The following SUPT16H variants were observed in gnomAD, a reference collection of about 807,000 sequenced individuals.
The protein encoded by SUPT16H is FACT complex subunit SPT16.
A neutral mutation model predicts 136.2 loss-of-function variants in SUPT16H; 24 were observed. The ratio of observed to expected loss-of-function variants is 0.18; its 90% CI spans 0.13 to 0.25. The LOEUF is 0.25. Among genes scored for constraint, SUPT16H ranks in the 10% least tolerant of loss-of-function variants. The probability of loss-of-function intolerance (pLI) is 1.00; values close to 1 mark genes in which losing one functional copy is unlikely to be tolerated. For missense variants in SUPT16H, 623 were observed against 1,270.2 expected (o/e 0.49, Z 7.74); for synonymous variants, 415 against 428.2 (o/e 0.97, Z 0.38).
In SUPT16H at chr14:21,359,517, A is replaced by G. The variant is rs191245081; in HGVS notation, c.2268T>C (p.His756=). The change falls in exon 19 of 26, where the codon CAT becomes CAC. Residue 756 remains histidine (H), a synonymous_variant. Transcript: ENST00000216297. ...EITTDLGKHQ[H]MHDRDDLYAE... ...CATAGAGGTCATCTCGGTCATGCATATGCTGATGTTTCCCCAAGTCCGTGG... is the reference window on the plus strand; with the variant it reads ...CATAGAGGTCATCTCGGTCATGCATGTGCTGATGTTTCCCCAAGTCCGTGG... 6 of 1,614,134 alleles carry G rather than the reference A, an allele frequency of 3.7e-6. No homozygotes were observed. The East Asian group carries it at 1.3e-4, about 36-fold the overall frequency.
intron 1 of SUPT16H, among the ~76,000 whole-genome samples, chr14:21,375,334 C>A (rs1257887559): frequency 6.6e-6 from 1 of 152,056 alleles, no homozygotes; most frequent in African/African-American, 2.4e-5. Context: ...GTTTTGATTT[C>A]ATTTCTCTGA....
At chr14:21,363,356 G>A (rs761106543) in intron 11 of SUPT16H, 28 bp from the exon 12 acceptor site, 32 of 1,596,724 alleles carry the variant, frequency 2.0e-5, no homozygotes, top group Non-Finnish European at 2.6e-5. Flanking sequence ...ATCAAAAAAT[G>A]AAATTTTAAT....
chr14:21,361,376 G>T, intron 15 of SUPT16H, 163 bp from the exon 16 acceptor site: 1 of 829,408 alleles, frequency 1.2e-6, no homozygotes, highest in Non-Finnish European at 1.9e-6. Context: ...GAGTGCAGTG[G>T]CCCAATCTTA....
At chr14:21,365,236 G>T in intron 8 of SUPT16H, 93 bp from the exon 9 acceptor site, 2 of 1,202,740 alleles carry the variant, frequency 1.7e-6, no homozygotes, top group South Asian at 1.3e-5. Flanking sequence ...CAATAAGACA[G>T]GCAAACATGT....
chr14:21,373,578 T>G (rs757200856), intron 1 of SUPT16H, 148 bp from the exon 2 acceptor site: 118 of 649,418 alleles, frequency 1.8e-4, no homozygotes, highest in Non-Finnish European at 1.7e-4. Context: ...TTACGGCTAT[T>G]CTATTTTTTG....
At chr14:21,373,565 G>A (rs1362142770) in intron 1 of SUPT16H, 135 bp from the exon 2 acceptor site, 1 of 681,952 alleles carries the variant, frequency 1.5e-6, no homozygotes, top group African/African-American at 1.8e-5. Context: ...CTGTTTGGCA[G>A]TCTTACGGCT....
chr14:21,362,866 G>C lies in SUPT16H; in HGVS notation c.1593C>G (p.Ile531Met). The change falls in exon 14 of 26, where the codon ATC becomes ATG. Residue 531 changes from isoleucine to methionine, a missense_variant. Ile to Met is a conservative substitution (Grantham distance 10). Coordinates refer to ENST00000216297, the MANE Select transcript of SUPT16H (RefSeq NM_007192.4). ...TTATTACAGTCTCATATTTCTTATC[G>C]ATGTAGATCTTCATTTCCCGAATAT... is the stretch of plus-strand genomic sequence containing the variant. ...EPHIREMKIYIDKKYETVIMP... is the reference protein window; with the variant it reads ...EPHIREMKIYMDKKYETVIMP... The C allele has an allele frequency of 6.2e-7, 1 of 1,613,892 alleles. No homozygotes were observed. Among genetic ancestry groups the C allele is most frequent in the Non-Finnish European group, 8.5e-7 (1 of 1,179,972 alleles).
chr14:21,374,335 G>A (rs1296984658), intron 1 of SUPT16H, among the ~76,000 whole-genome samples: 6 of 152,254 alleles, frequency 3.9e-5, no homozygotes, highest in Non-Finnish European at 8.8e-5. Context: ...CTGGCTGATG[G>A]AGAGACGGGA....
In SUPT16H at chr14:21,364,807, A is replaced by G. The variant is rs763392926; in HGVS notation, c.1233+20T>C. ...AGAAGTTAGTTCATGAAGACTCCAA[A>G]GTTTAGACACAATACACACCTCATC... On this transcript the variant is annotated intron_variant, in intron 10 of 25. Transcript: ENST00000216297. The G allele has an allele frequency of 6.2e-7, 1 of 1,607,570 alleles. No individual in the cohort carries two copies. The highest frequency in any genetic ancestry group is 8.5e-7 in the Non-Finnish European group (1 of 1,176,000).
At position 21,360,544 on chromosome 14, in the gene SUPT16H, G is replaced by C. The variant is rs752805216; in HGVS notation, c.2057-11C>G. On this transcript the variant is annotated splice_polypyrimidine_tract_variant and intron_variant, in intron 17 of 25. Coordinates refer to ENST00000216297, the MANE Select transcript of SUPT16H (RefSeq NM_007192.4). ...ATGTGAAGCGGAAGCCTGGGGAAAA[G>C]AATGAAGAAATGTCAAGCAGTATAA... 3 of 1,600,958 alleles carry C rather than the reference G, an allele frequency of 1.9e-6. No homozygotes were observed. The highest frequency in any genetic ancestry group is 2.6e-6 in the Non-Finnish European group (3 of 1,170,566).
chr14:21,366,325 T>G, intron 8 of SUPT16H, 114 bp downstream of exon 8: 1 of 945,596 alleles, frequency 1.1e-6, no homozygotes, highest in East Asian at 2.4e-5. Context: ...ATAGTATAGT[T>G]TGCTAGTCCA....
At chr14:21,373,907 C>A (rs1455606371) in intron 1 of SUPT16H, among the ~76,000 whole-genome samples, 1 of 151,900 alleles carries the variant, frequency 6.6e-6, no homozygotes, top group African/African-American at 2.4e-5. Flanking sequence ...TTTTTATTTT[C>A]AGTAGAGACA....
Position 21,360,889 on chromosome 14 carries a change from A to G in SUPT16H, c.2013T>C (p.Ile671=). 1.2e-6 allele frequency: 2 copies of G among 1,614,194 alleles called. No homozygotes were observed. The highest frequency in any genetic ancestry group is 1.7e-6 in the Non-Finnish European group (2 of 1,180,018). The change falls in exon 17 of 26, where the codon ATT becomes ATC. Residue 671 remains isoleucine (I), a synonymous_variant. Coordinates refer to ENST00000216297, the MANE Select transcript of SUPT16H (RefSeq NM_007192.4). ...KLKDLYIRPN[I]AQKRMQGSLE... is the part of the protein sequence containing the mutation. ...GTGAGCCTTGCATCCTCTTTTGGGC[A>G]ATATTTGGGCGAATGTATAGATCTT...
In SUPT16H at chr14:21,383,952, G is replaced by A; in HGVS notation, c.-25C>T. ...TAGCCCCGGACGCCGCTTCTCCTCG[G>A]GTTCCGAGAATCACGCGAGGTCCCG... is the stretch of plus-strand genomic sequence containing the variant. On this transcript the variant is annotated 5_prime_UTR_variant, in exon 1 of 26. Coordinates refer to ENST00000216297, the MANE Select transcript of SUPT16H (RefSeq NM_007192.4). 6.2e-7 allele frequency: 1 copy of A among 1,612,242 alleles called. No homozygotes were observed. Among genetic ancestry groups the A allele is most frequent in the Non-Finnish European group, 8.5e-7 (1 of 1,179,988 alleles).
chr14:21,370,728 C>T (rs1466277177), intron 3 of SUPT16H, among the ~76,000 whole-genome samples: 2 of 152,136 alleles, frequency 1.3e-5, no homozygotes, highest in Admixed American at 6.5e-5. Context: ...ATCCTCCTGC[C>T]TCGGCCTCCC....
chr14:21,361,171 T>C lies in SUPT16H; in HGVS notation c.1836A>G (p.Thr612=), dbSNP rs539595615. ...CATTCTGAAGGTTCAAGGCTGGTAC[T>C]GTCTGTTCTCCGGGTGCCTTAATAT... ...ASNIKAPGEQ[T]VPALNLQNAF... is the part of the protein sequence containing the mutation. Residue 612 remains threonine, a synonymous_variant, in exon 16 of 26, where the codon ACA becomes ACG. Coordinates refer to ENST00000216297, the MANE Select transcript of SUPT16H (RefSeq NM_007192.4). 6 of 1,614,198 alleles carry C rather than the reference T, an allele frequency of 3.7e-6. No homozygotes were observed. Among genetic ancestry groups the C allele is most frequent in the Admixed American group, 1.7e-5 (1 of 60,028 alleles).
chr14:21,363,501 A>G lies in SUPT16H; in HGVS notation c.1236T>C (p.Asp412=), dbSNP rs759296800. 52 of 1,611,830 alleles carry G rather than the reference A, an allele frequency of 3.2e-5. No homozygotes were observed. In the African/African-American group the frequency reaches 5.5e-4, roughly 17 times the overall value. The change falls in exon 11 of 26, where the codon GAT becomes GAC. Residue 412 remains aspartate (D), a splice_region_variant and synonymous_variant. Transcript: ENST00000216297. ...CAGAAGTGAGAACAGTAGCTGGGCC[A>G]TCCTAGAATTAAAAGGAGAATGAAG... is the stretch of plus-strand genomic sequence containing the variant. ...FIGDTVLVDE[D]GPATVLTSVK...
chr14:21,359,145 T>TG (rs1886497066), intron 19 of SUPT16H, among the ~76,000 whole-genome samples: 1 of 151,842 alleles, frequency 6.6e-6, no homozygotes, highest in Non-Finnish European at 1.5e-5. Flanking sequence ...TCGCCCAGGC[T>TG]GGAGTGCAGT....
intron 4 of SUPT16H, 130 bp from the exon 5 acceptor site, chr14:21,370,026 C>A: frequency 8.9e-7 from 1 of 1,123,262 alleles, no homozygotes; most frequent in Non-Finnish European, 1.3e-6. Flanking sequence ...GCAGAATATT[C>A]AAACATTCTC....
Sources: allele counts gnomAD v4.1 joint callset (sites outside exome capture counted in the v4.1 genomes callset), GRCh38; gene constraint gnomAD v4.1.1; transcripts MANE v1.5; gene names NCBI Gene and HGNC (gene_info 2026-07-23, HGNC 2026-07-21).